Variants in YTHDF3 observed in about 807,000 individuals in gnomAD.
The protein encoded by YTHDF3 is YTH N6-methyladenosine RNA binding protein F3.
YTHDF3 carries 9 observed loss-of-function variants against 52.5 expected under a neutral mutation model. The ratio of observed to expected loss-of-function variants is 0.17; its 90% CI spans 0.10 to 0.30. YTHDF3 has a LOEUF of 0.30. YTHDF3 is among the 10% of genes least tolerant of loss of function. YTHDF3 has a pLI of 1.00. For synonymous variants in YTHDF3, 274 were observed against 243.3 expected, an observed-to-expected ratio of 1.13 and a Z score of -1.18; for missense variants, 534 against 715.0, an observed-to-expected ratio of 0.75 and a Z score of 2.89.
rs561455819 is a variant in YTHDF3, at chr8:63,182,095, G to T, written c.136-4052G>T. Reference sequence around the variant, plus strand: ...TTTTTTAAATTTTTTTTTTAAGAGGGTTTTATTCTGTAGCCCATGCTGGAG... The same window carrying T: ...TTTTTTAAATTTTTTTTTTAAGAGGTTTTTATTCTGTAGCCCATGCTGGAG... On this transcript the variant is annotated intron_variant, in intron 3 of 4. Transcript: ENST00000539294. Among the ~76,000 whole-genome samples, 7 of 151,872 alleles carry T rather than the reference G, an allele frequency of 4.6e-5. No homozygotes were observed. The South Asian group carries it at 8.3e-4, about 18-fold the overall frequency.
At chr8:63,192,737 C>T (rs1156621203) in intron 4 of YTHDF3, among the ~76,000 whole-genome samples, 2 of 151,328 alleles carry the variant, frequency 1.3e-5, no homozygotes, top group Non-Finnish European at 2.9e-5. Context: ...GATGTGCTGC[C>T]TGTCTATTCT....
intron 4 of YTHDF3, among the ~76,000 whole-genome samples, chr8:63,206,646 AT>A (rs1307832730): frequency 2.0e-5 from 3 of 152,232 alleles, no homozygotes; most frequent in Non-Finnish European, 4.4e-5. Flanking sequence ...TTATTGGCAT[AT>A]TAGCATGATT....
In YTHDF3 at chr8:63,210,044, A is replaced by G. The variant is rs948729681; in HGVS notation, c.*338A>G. 3 of 210,546 alleles carry G rather than the reference A, an allele frequency of 1.4e-5. No homozygotes were observed. The highest frequency in any genetic ancestry group is 2.3e-5 in the African/African-American group (1 of 43,602). The allele number at this position is 210,546 out of a possible 1,614,324, so 13.0% of individuals were successfully genotyped here. Reference sequence around the variant, plus strand: ...AACTCTTTGAATTTGTTAAATACTAACAGTTAACCATTAGAAGTGGTTCAA... The same window carrying G: ...AACTCTTTGAATTTGTTAAATACTAGCAGTTAACCATTAGAAGTGGTTCAA... On this transcript the variant is annotated 3_prime_UTR_variant, in exon 5 of 5. Transcript: ENST00000539294.
chr8:63,209,619 T>G, intron 4 of YTHDF3, 64 bp from the exon 5 acceptor site: 3 of 1,450,432 alleles, frequency 2.1e-6, no homozygotes, highest in Non-Finnish European at 2.8e-6. Flanking sequence ...ATAGTTTAAA[T>G]CTTTAAATAA....
Position 63,186,988 on chromosome 8 carries a change from C to A in YTHDF3, c.977C>A (p.Pro326Gln). 1 of 1,613,686 alleles carries A rather than the reference C, an allele frequency of 6.2e-7. No individual in the cohort carries two copies. The highest frequency in any genetic ancestry group is 1.3e-5 in the African/African-American group (1 of 75,038). The change falls in exon 4 of 5, where the codon CCA becomes CAA. Residue 326 changes from proline to glutamine, a missense_variant. This residue lies in a region of YTHDF3 where 203 missense variants were observed against 201.3 expected (regional missense o/e 1.01). Transcript: ENST00000539294. ...CTGCCTCAACAGCAGCCTCAACCACCACAACCACAGCAGCAACAAGGACCT... is the reference window on the plus strand; with the variant it reads ...CTGCCTCAACAGCAGCCTCAACCACAACAACCACAGCAGCAACAAGGACCT... Reference protein sequence around the residue: ...SQLPQQQPQPPQPQQQQGPQP... With the variant: ...SQLPQQQPQPQQPQQQQGPQP...
intron 3 of YTHDF3, among the ~76,000 whole-genome samples, chr8:63,177,731 T>TA (rs1183071996): frequency 6.6e-6 from 1 of 151,950 alleles, no homozygotes; most frequent in Admixed American, 6.6e-5. Context: ...AGATATAGTA[T>TA]AAAAAATCCT....
chr8:63,170,050 G>A (rs554677632), intron 2 of YTHDF3, among the ~76,000 whole-genome samples: 4 of 152,302 alleles, frequency 2.6e-5, no homozygotes, highest in African/African-American at 9.6e-5. Flanking sequence ...ACCATTGAAA[G>A]TAAAGTGTTT....
Position 63,168,733 on chromosome 8 carries a change from G to A in YTHDF3, c.-145G>A. The A allele has an allele frequency of 1.3e-6, 2 of 1,494,644 alleles. No homozygotes were observed. Among genetic ancestry groups the A allele is most frequent in the Non-Finnish European group, 1.8e-6 (2 of 1,102,692 alleles). 92.6% of individuals were successfully genotyped at this position (1,494,644 alleles called of 1,614,324 possible). Reference sequence around the variant, plus strand: ...TCTTCCTCCGACTCCCGAGCGCGAGGCCCTCATTTTGGGTTCTCAGCGAAC... The same window carrying A: ...TCTTCCTCCGACTCCCGAGCGCGAGACCCTCATTTTGGGTTCTCAGCGAAC... On this transcript the variant is annotated 5_prime_UTR_variant, in exon 1 of 5. Transcript: ENST00000539294.
rs898576001 is a variant in YTHDF3 at position 63,186,082 on chromosome 8, C to G, written c.136-65C>G. On this transcript the variant is annotated intron_variant, in intron 3 of 4. Transcript: ENST00000539294. ...TTAAAACTTCTTGATTTTAATCTTT[C>G]AGATTTCTTTTTTTGCTCTTTTAAG... The G allele has an allele frequency of 1.4e-4, 194 of 1,433,562 alleles. 2 individuals carry two copies. The highest frequency in any genetic ancestry group is 6.0e-4 in the East Asian group (26 of 43,206). 88.8% of individuals were successfully genotyped at this position (1,433,562 alleles called of 1,614,324 possible).
At position 63,180,486 on chromosome 8, in the gene YTHDF3, C is replaced by G. The variant is rs1424988332; in HGVS notation, c.135+5070C>G. Among the ~76,000 whole-genome samples, 4 of 149,056 alleles carry G rather than the reference C, an allele frequency of 2.7e-5. 1 individual carries two copies. Among genetic ancestry groups the G allele is most frequent in the Non-Finnish European group, 5.9e-5 (4 of 67,446 alleles). ...CCGGGCAGAGACGCTCCTCACTTTC[C>G]AGACTGGGCAGCCAGGCAGAGGGGC... On this transcript the variant is annotated intron_variant, in intron 3 of 4. Transcript: ENST00000539294.
At chr8:63,199,151 GATT>G (rs1280636972) in intron 4 of YTHDF3, among the ~76,000 whole-genome samples, 2 of 152,070 alleles carry the variant, frequency 1.3e-5, no homozygotes, top group African/African-American at 4.8e-5. Context: ...TTTTTTCTCA[GATT>G]ATTAATAGTG....
At chr8:63,171,725 A>T (rs1443897373) in intron 2 of YTHDF3, among the ~76,000 whole-genome samples, 6 of 152,340 alleles carry the variant, frequency 3.9e-5, no homozygotes, top group Admixed American at 1.3e-4. Flanking sequence ...CTTGAACTGC[A>T]ACCTCAGTAT....
intron 3 of YTHDF3, among the ~76,000 whole-genome samples, chr8:63,180,042 C>G (rs1807995492): frequency 6.6e-6 from 1 of 151,030 alleles, no homozygotes; most frequent in African/African-American, 2.4e-5. Flanking sequence ...CCATCTCCCT[C>G]CCGGACGGGG....
At chr8:63,169,017 G>C in intron 1 of YTHDF3, 116 bp downstream of exon 1, 4 of 1,471,222 alleles carry the variant, frequency 2.7e-6, no homozygotes, top group Non-Finnish European at 3.6e-6. Flanking sequence ...CGGTGCCCCG[G>C]GCGCAAGTTG....
Position 63,209,979 on chromosome 8 carries a change from A to AGGCATAATTGTAATTGTAATTAT in YTHDF3, c.*274_*275insGCATAATTGTAATTGTAATTATG, listed in dbSNP as rs1226448096. 2.8e-6 allele frequency: 1 copy of AGGCATAATTGTAATTGTAATTAT among 356,626 alleles called. No homozygotes were observed. The highest frequency in any genetic ancestry group is 4.4e-5 in the Admixed American group (1 of 22,486). The allele number at this position is 356,626 out of a possible 1,614,324, so 22.1% of individuals were successfully genotyped here. A position where few individuals can be genotyped will look rare whatever the true frequency, so the allele number is the denominator to read the frequency against. On this transcript the variant is annotated 3_prime_UTR_variant, in exon 5 of 5. Transcript: ENST00000539294. Reference sequence around the variant, plus strand: ...GCTGTCTTTTGTAATTATGCATCCTAGCTAAGGCACAGAAGACTGAATGAA... The same window carrying AGGCATAATTGTAATTGTAATTAT: ...GCTGTCTTTTGTAATTATGCATCCTAGGCATAATTGTAATTGTAATTATGCTAAGGCACAGAAGACTGAATGAA...
chr8:63,207,319 G>T (rs1287026517), intron 4 of YTHDF3, among the ~76,000 whole-genome samples: 1 of 151,982 alleles, frequency 6.6e-6, no homozygotes, highest in African/African-American at 2.4e-5. Context: ...TAAGTTTTAG[G>T]TTTATTTCTT....
chr8:63,182,955 C>CTTTT (rs11381385), intron 3 of YTHDF3, among the ~76,000 whole-genome samples: 28 of 143,622 alleles, frequency 1.9e-4, no homozygotes, highest in East Asian at 2.0e-4. Context: ...ACAGTTTTAT[C>CTTTT]TTTTTTTTTT....
At chr8:63,191,075 T>C (rs1251093481) in intron 4 of YTHDF3, among the ~76,000 whole-genome samples, 1 of 152,240 alleles carries the variant, frequency 6.6e-6, no homozygotes, top group Non-Finnish European at 1.5e-5. Context: ...TAAGCCTTGC[T>C]TTACAGTTAT....
At chr8:63,193,131 T>G (rs974558484) in intron 4 of YTHDF3, among the ~76,000 whole-genome samples, 1 of 151,980 alleles carries the variant, frequency 6.6e-6, no homozygotes, top group South Asian at 2.1e-4. Context: ...CCCAACACTT[T>G]GGGAGGGAGG....
Sources: allele counts gnomAD v4.1 joint callset (sites outside exome capture counted in the v4.1 genomes callset), GRCh38; gene constraint gnomAD v4.1.1; regional missense constraint gnomAD v4.1.1; transcripts MANE v1.5; gene names NCBI Gene and HGNC (gene_info 2026-07-23, HGNC 2026-07-21).